The following NRXN1 variants were observed in gnomAD, a reference collection of about 807,000 sequenced individuals.
NRXN1 encodes neurexin 1, also known as neurexin-1.
NRXN1 carries 39 observed loss-of-function variants against 150.9 expected under a neutral mutation model. That is an observed-to-expected ratio of 0.26 (90% confidence interval 0.20 to 0.34). NRXN1 has a LOEUF of 0.34. Ranked by LOEUF, NRXN1 falls within the 10% of genes least tolerant of loss-of-function variation. The probability of loss-of-function intolerance (pLI) is 1.00; values close to 1 mark genes in which losing one functional copy is unlikely to be tolerated. For missense variants in NRXN1, 1,815 were observed against 1,949.9 expected, an observed-to-expected ratio of 0.93 and a Z score of 1.30; for synonymous variants, 924 against 757.0, an observed-to-expected ratio of 1.22 and a Z score of -3.62.
chr2:50,255,011 T>A (rs181376165), intron 17 of NRXN1, among the ~76,000 whole-genome samples: 1 of 152,216 alleles, frequency 6.6e-6, no homozygotes, highest in East Asian at 1.9e-4. Flanking sequence ...TTTTGCCATG[T>A]TACCTAGGCT....
At chr2:50,104,211 C>A (rs1401349868) in intron 18 of NRXN1, among the ~76,000 whole-genome samples, 2 of 152,020 alleles carry the variant, frequency 1.3e-5, no homozygotes, top group Non-Finnish European at 1.5e-5. Context: ...AAGCAAGAGA[C>A]ATACTGGGAG....
intron 18 of NRXN1, among the ~76,000 whole-genome samples, chr2:50,155,504 C>T (rs1490167739): frequency 1.3e-5 from 2 of 151,042 alleles, no homozygotes; most frequent in African/African-American, 4.8e-5. Flanking sequence ...ACATGAAGTT[C>T]AAAGGTTATT....
intron 17 of NRXN1, among the ~76,000 whole-genome samples, chr2:50,291,651 T>C (rs1186841779): frequency 6.6e-6 from 1 of 152,184 alleles, no homozygotes; most frequent in Non-Finnish European, 1.5e-5. Context: ...GAGATGAGTG[T>C]CCTGCTCTCT....
At position 50,538,347 on chromosome 2, in the gene NRXN1, G is replaced by A. The variant is rs201255327; in HGVS notation, c.2049C>T (p.Asn683=). The change falls in exon 10 of 23, where the codon AAC becomes AAT. Residue 683 remains asparagine, a synonymous_variant. Coordinates refer to ENST00000401669, the MANE Select transcript of NRXN1 (RefSeq NM_001330078.2). ...SKETAKPCLS[N]PCKNNGMCRD... ...TGCACATGCCATTGTTTTTGCAAGG[G>A]TTGCTAAGGCACGGTTTTGCTGTTT... 5.0e-6 allele frequency: 8 copies of A among 1,613,830 alleles called. No individual in the cohort carries two copies. The African/African-American group carries it at 1.1e-4, about 22-fold the overall frequency.
At chr2:50,932,903 T>C (rs1285584880) in intron 2 of NRXN1, among the ~76,000 whole-genome samples, 1 of 152,086 alleles carries the variant, frequency 6.6e-6, no homozygotes, top group East Asian at 1.9e-4. Flanking sequence ...AATACTATTT[T>C]CTTAATTGCA....
At chr2:50,467,017 G>C (rs541752136) in intron 16 of NRXN1, among the ~76,000 whole-genome samples, 2 of 151,810 alleles carry the variant, frequency 1.3e-5, no homozygotes, top group South Asian at 2.1e-4. Context: ...ACCAAATGCT[G>C]CATAAATGAT....
At chr2:50,294,759 T>C (rs2073364827) in intron 17 of NRXN1, among the ~76,000 whole-genome samples, 1 of 152,218 alleles carries the variant, frequency 6.6e-6, no homozygotes, top group Non-Finnish European at 1.5e-5. Flanking sequence ...CAGAACTTGC[T>C]GGCCAAAGGT....
At chr2:50,710,037 T>A (rs1282858273) in intron 5 of NRXN1, among the ~76,000 whole-genome samples, 2 of 152,130 alleles carry the variant, frequency 1.3e-5, no homozygotes, top group African/African-American at 4.8e-5. Context: ...CTAGAAAGCA[T>A]CCACCAGAAC....
chr2:50,480,892 C>T (rs2090407814), intron 15 of NRXN1, among the ~76,000 whole-genome samples: 1 of 151,880 alleles, frequency 6.6e-6, no homozygotes, highest in Non-Finnish European at 1.5e-5. Flanking sequence ...TAATCAGTGT[C>T]AGGCATTACT....
At chr2:49,922,309 G>C (rs932424489) in intron 22 of NRXN1, 58 bp from the exon 23 acceptor site, 3 of 1,474,144 alleles carry the variant, frequency 2.0e-6, no homozygotes, top group African/African-American at 1.4e-5. Context: ...CTGAATACCA[G>C]AGAGCTATAT....
At chr2:50,961,134 A>G (rs1340207429) in intron 2 of NRXN1, among the ~76,000 whole-genome samples, 1 of 151,928 alleles carries the variant, frequency 6.6e-6, no homozygotes, top group Non-Finnish European at 1.5e-5. Context: ...AGAAATAATT[A>G]TTTATTCCCA....
chr2:50,644,983 G>C (rs368204890), intron 5 of NRXN1, among the ~76,000 whole-genome samples: 1 of 150,842 alleles, frequency 6.6e-6, no homozygotes, highest in Non-Finnish European at 1.5e-5. Context: ...TCTTCAGTTT[G>C]ATCTTGCATA....
At chr2:50,612,809 G>C (rs1271921916) in intron 8 of NRXN1, among the ~76,000 whole-genome samples, 2 of 152,152 alleles carry the variant, frequency 1.3e-5, no homozygotes, top group Non-Finnish European at 2.9e-5. Context: ...GGTCTCATGA[G>C]TTCTCATTTG....
At chr2:50,437,667 T>G (rs1426560758) in intron 17 of NRXN1, among the ~76,000 whole-genome samples, 2 of 152,014 alleles carry the variant, frequency 1.3e-5, no homozygotes, top group African/African-American at 2.4e-5. Context: ...GCTAGTCAGT[T>G]CCTACTAACT....
intron 21 of NRXN1, among the ~76,000 whole-genome samples, chr2:49,997,100 A>T (rs1478258192): frequency 2.0e-5 from 3 of 152,214 alleles, no homozygotes; most frequent in Non-Finnish European, 2.9e-5. Context: ...TTTAAAAGCA[A>T]GATGCTGAAA....
chr2:50,925,879 T>C, intron 3 of NRXN1, 59 bp downstream of exon 3: 4 of 1,313,918 alleles, frequency 3.0e-6, no homozygotes, highest in Non-Finnish European at 4.3e-6. Context: ...ATGTACCCTA[T>C]TAGTACTAAG....
intron 18 of NRXN1, among the ~76,000 whole-genome samples, chr2:50,219,054 T>C (rs1483767837): frequency 6.6e-6 from 1 of 152,008 alleles, no homozygotes; most frequent in African/African-American, 2.4e-5. Context: ...TTTTATTCCT[T>C]TGAGTGAATA....
At chr2:50,838,601 T>C (rs1439876849) in intron 5 of NRXN1, among the ~76,000 whole-genome samples, 1 of 151,978 alleles carries the variant, frequency 6.6e-6, no homozygotes, top group African/African-American at 2.4e-5. Context: ...GGCGTCTTTA[T>C]AAAAAGGTGA....
chr2:50,585,150 C>T (rs535473518), intron 8 of NRXN1, among the ~76,000 whole-genome samples: 4 of 152,170 alleles, frequency 2.6e-5, no homozygotes, highest in African/African-American at 7.2e-5. Flanking sequence ...GATCTGGATT[C>T]GGTGTTCGGT....
Sources: allele counts gnomAD v4.1 joint callset (sites outside exome capture counted in the v4.1 genomes callset), GRCh38; gene constraint gnomAD v4.1.1; transcripts MANE v1.5; gene names NCBI Gene and HGNC (gene_info 2026-07-23, HGNC 2026-07-21).